SMCHD1: variants seen among roughly 807,000 people sequenced by gnomAD.
The protein encoded by SMCHD1 is structural maintenance of chromosomes flexible hinge domain-containing protein 1.
SMCHD1 carries 78 observed loss-of-function variants against 254.7 expected under a neutral mutation model. The ratio of observed to expected loss-of-function variants is 0.31; its 90% confidence interval spans 0.26 to 0.37. The LOEUF is 0.37. Among genes scored for constraint, SMCHD1 ranks in the 10% least tolerant of loss-of-function variants. SMCHD1 has a pLI of 1.00. For missense variants in SMCHD1, 1,840 were observed against 2,408.1 expected (o/e 0.76, Z 4.94); for synonymous variants, 766 against 794.9 (o/e 0.96, Z 0.61).
chr18:2,779,898 C>G (rs2076126121), intron 44 of SMCHD1, among the ~76,000 whole-genome samples: 1 of 152,094 alleles, frequency 6.6e-6, no homozygotes, highest in Non-Finnish European at 1.5e-5. Context: ...TATGGCAGAG[C>G]TAGAACTAAA....
At chr18:2,757,242 G>C (rs1054735254) in intron 34 of SMCHD1, among the ~76,000 whole-genome samples, 1 of 151,632 alleles carries the variant, frequency 6.6e-6, no homozygotes, top group African/African-American at 2.4e-5. Flanking sequence ...CCAGAGTGTC[G>C]CTCTTTCATC....
chr18:2,692,402 A>G (rs1028711030), intron 7 of SMCHD1, among the ~76,000 whole-genome samples: 1 of 152,168 alleles, frequency 6.6e-6, no homozygotes. Context: ...GAGATCAAAT[A>G]TTATCCGTAA....
intron 13 of SMCHD1, 66 bp from the exon 14 acceptor site, chr18:2,705,628 T>A: frequency 1.5e-6 from 1 of 653,578 alleles, no homozygotes; most frequent in Non-Finnish European, 2.4e-6. Context: ...AAATTATTAT[T>A]AAGCCTTTTT....
intron 3 of SMCHD1, among the ~76,000 whole-genome samples, chr18:2,668,747 A>T (rs1292896112): frequency 1.3e-5 from 2 of 152,138 alleles, no homozygotes; most frequent in East Asian, 3.8e-4. Flanking sequence ...GTTTTCGCCT[A>T]CCACTCTACT....
intron 37 of SMCHD1, among the ~76,000 whole-genome samples, chr18:2,767,963 A>C (rs912464775): frequency 6.6e-6 from 1 of 152,158 alleles, no homozygotes; most frequent in African/African-American, 2.4e-5. Context: ...TAATTTTAAC[A>C]TAATAGTATC....
At chr18:2,662,659 C>CA (rs1367570184) in intron 1 of SMCHD1, among the ~76,000 whole-genome samples, 4 of 7,576 alleles carry the variant, frequency 5.3e-4, no homozygotes, top group East Asian at 2.0e-3. Flanking sequence ...ACAATAACAA[C>CA]AAAAAACCAA....
At chr18:2,667,366 T>G (rs924466141) in intron 3 of SMCHD1, among the ~76,000 whole-genome samples, 4 of 152,212 alleles carry the variant, frequency 2.6e-5, no homozygotes, top group Non-Finnish European at 5.9e-5. Context: ...AGAAAATACT[T>G]GTTTTACTTT....
At position 2,714,597 on chromosome 18, in the gene SMCHD1, A is replaced by G. The variant is rs576475782; in HGVS notation, c.2261-3561A>G. Among the ~76,000 whole-genome samples the G allele has an allele frequency of 6.6e-5, 10 of 151,372 alleles. No individual in the cohort carries two copies. The South Asian group carries it at 1.5e-3, about 22-fold the overall frequency. ...TTTGGTGGGATTCTGTTGTGCTGCT[A>G]TTTGATTTTTTTCTCTTCCTACCTT... On this transcript the variant is annotated intron_variant, in intron 17 of 47. Coordinates refer to ENST00000320876, the MANE Select transcript of SMCHD1 (RefSeq NM_015295.3).
chr18:2,774,803 C>G (rs1474711910), intron 41 of SMCHD1, among the ~76,000 whole-genome samples: 2 of 152,214 alleles, frequency 1.3e-5, no homozygotes, highest in African/African-American at 4.8e-5. Context: ...CACCACCATC[C>G]TAGCACAATG....
At chr18:2,745,267 C>T (rs2075431288) in intron 29 of SMCHD1, among the ~76,000 whole-genome samples, 1 of 152,182 alleles carries the variant, frequency 6.6e-6, no homozygotes, top group Admixed American at 6.5e-5. Context: ...AATTCTTCTG[C>T]CTCATTCTCG....
chr18:2,733,714 G>T (rs930058752), intron 25 of SMCHD1, among the ~76,000 whole-genome samples: 1 of 152,270 alleles, frequency 6.6e-6, no homozygotes, highest in South Asian at 2.1e-4. Flanking sequence ...GAACAAATTT[G>T]CATTTTCAAA....
chr18:2,683,744 G>T (rs2073980687), intron 5 of SMCHD1, among the ~76,000 whole-genome samples: 1 of 152,120 alleles, frequency 6.6e-6, no homozygotes, highest in African/African-American at 2.4e-5. Flanking sequence ...TGCCTTCTTG[G>T]TTGACCAACC....
intron 37 of SMCHD1, among the ~76,000 whole-genome samples, chr18:2,766,658 A>G (rs1358309239): frequency 6.6e-6 from 1 of 152,222 alleles, no homozygotes. Flanking sequence ...TTAAAGTTAC[A>G]ATCTAAATTT....
At position 2,706,452 on chromosome 18, in the gene SMCHD1, T is replaced by A; in HGVS notation, c.2045T>A (p.Val682Glu). ...GCTGAGAAAGCTGTTAAAAAATATG[T>A]AGAAGATGAAATGGCAAGGTAAGTC... Reference protein sequence around the residue: ...TVAEKAVKKYVEDEMARLPDR... With the variant: ...TVAEKAVKKYEEDEMARLPDR... Residue 682 changes from valine to glutamate, a missense_variant, in exon 15 of 48, where the codon GTA becomes GAA. Around this residue, in one of 9 missense-constraint regions of SMCHD1, gnomAD observed 498 missense variants for 743.5 expected, o/e 0.67. Coordinates refer to ENST00000320876, the MANE Select transcript of SMCHD1 (RefSeq NM_015295.3). 6.3e-7 allele frequency: 1 copy of A among 1,585,990 alleles called. No individual in the cohort carries two copies. The highest frequency in any genetic ancestry group is 1.3e-5 in the African/African-American group (1 of 74,470).
chr18:2,728,430 G>A, intron 22 of SMCHD1, 27 bp from the exon 23 acceptor site: 5 of 1,606,168 alleles, frequency 3.1e-6, no homozygotes, highest in Non-Finnish European at 4.3e-6. Context: ...ACCTGAATAT[G>A]TATTTCATTG....
chr18:2,683,010 GA>G (rs1178497469), intron 5 of SMCHD1, among the ~76,000 whole-genome samples: 1 of 152,072 alleles, frequency 6.6e-6, no homozygotes, highest in Admixed American at 6.5e-5. Flanking sequence ...CATTTAAGTT[GA>G]AAAAGGGATT....
intron 34 of SMCHD1, chr18:2,753,198 G>A (rs939355706): frequency 6.6e-6 from 1 of 152,128 alleles, no homozygotes; most frequent in African/African-American, 2.4e-5. Context: ...CATCTCTATA[G>A]TCTCTGATTT....
intron 41 of SMCHD1, among the ~76,000 whole-genome samples, chr18:2,775,103 G>A (rs1194257663): frequency 2.0e-5 from 2 of 98,976 alleles, no homozygotes; most frequent in African/African-American, 7.6e-5. Context: ...TTTTTTTGGA[G>A]ACAGGGTCTT....
intron 17 of SMCHD1, among the ~76,000 whole-genome samples, chr18:2,708,655 C>T (rs1454451981): frequency 1.3e-5 from 2 of 150,588 alleles, no homozygotes; most frequent in African/African-American, 2.4e-5. Context: ...CTCTTGTTGC[C>T]CAGGCTGGAA....
Sources: allele counts gnomAD v4.1 joint callset (sites outside exome capture counted in the v4.1 genomes callset), GRCh38; gene constraint gnomAD v4.1.1; regional missense constraint gnomAD v4.1.1; transcripts MANE v1.5; gene names NCBI Gene and HGNC (gene_info 2026-07-23, HGNC 2026-07-21).